Variants in MYLK observed in about 807,000 individuals in gnomAD.
MYLK encodes myosin light chain kinase, also known as myosin light chain kinase, smooth muscle.
Under a neutral mutation model 203.4 loss-of-function variants are expected in MYLK, and 106 were observed. The ratio of observed to expected loss-of-function variants is 0.52; its 90% CI spans 0.45 to 0.61. The LOEUF (loss-of-function observed/expected upper bound fraction) is 0.61, where lower values mean the gene tolerates loss of function less well. MYLK is among the 20% of genes least tolerant of loss of function. MYLK has a pLI of 0.00. For missense variants in MYLK, 2,072 were observed against 2,442.3 expected (o/e 0.85, Z 3.20); for synonymous variants, 867 against 959.5 (o/e 0.90, Z 1.78).
intron 2 of MYLK, among the ~76,000 whole-genome samples, chr3:123,850,477 C>T (rs2030638746): frequency 6.6e-6 from 1 of 152,196 alleles, no homozygotes; most frequent in African/African-American, 2.4e-5. Flanking sequence ...TTTTGATTTG[C>T]ATTTCTCTGA....
intron 18 of MYLK, chr3:123,698,976 A>G (rs1329302946): frequency 6.6e-6 from 1 of 152,390 alleles, no homozygotes; most frequent in Admixed American, 6.5e-5. Context: ...CTCAGATTTG[A>G]CAGGACCTGT....
At chr3:123,789,111 C>T (rs1003862790) in intron 4 of MYLK, among the ~76,000 whole-genome samples, 1 of 152,148 alleles carries the variant, frequency 6.6e-6, no homozygotes, top group African/African-American at 2.4e-5. Context: ...GGTGTTTCCA[C>T]CAGCCCCTGG....
intron 2 of MYLK, among the ~76,000 whole-genome samples, chr3:123,855,392 G>A (rs2031267689): frequency 6.6e-6 from 1 of 151,880 alleles, no homozygotes; most frequent in Non-Finnish European, 1.5e-5. Flanking sequence ...CCCATCTATT[G>A]CATCTTATTT....
chr3:123,704,625 C>T (rs745882207), intron 16 of MYLK, among the ~76,000 whole-genome samples: 4 of 151,772 alleles, frequency 2.6e-5, no homozygotes, highest in Non-Finnish European at 4.4e-5. Flanking sequence ...TAATTTCGGC[C>T]GGGCATGGTG....
chr3:123,799,644 T>C (rs915126734), intron 3 of MYLK, among the ~76,000 whole-genome samples: 3 of 152,130 alleles, frequency 2.0e-5, no homozygotes, highest in African/African-American at 7.2e-5. Context: ...ACCACCCACG[T>C]GCAAATGCCC....
In MYLK at chr3:123,828,780, T is replaced by C. The variant is rs117345385; in HGVS notation, c.-4+2768A>G. On this transcript the variant is annotated intron_variant, in intron 3 of 33. Transcript: ENST00000360304. ...GCAGAAAAACAATCTGATTAGAAAA[T>C]GGGCAAATGATATGAACAGACATTT... Among the ~76,000 whole-genome samples, 92 of 152,102 alleles carry C rather than the reference T, an allele frequency of 6.0e-4. 2 individuals are homozygous for C. In the South Asian group the frequency reaches 0.011, roughly 18 times the overall value.
intron 5 of MYLK, among the ~76,000 whole-genome samples, chr3:123,745,616 C>T (rs370029127): frequency 1.3e-5 from 2 of 152,050 alleles, no homozygotes; most frequent in African/African-American, 2.4e-5. Flanking sequence ...ATACTAGGAA[C>T]GGAATCCCTT....
At chr3:123,663,364 T>C (rs1465239940) in intron 23 of MYLK, among the ~76,000 whole-genome samples, 1 of 151,826 alleles carries the variant, frequency 6.6e-6, no homozygotes, top group Non-Finnish European at 1.5e-5. Flanking sequence ...GAGGTCATGG[T>C]GACCTCAGAA....
rs116066078 is a variant in MYLK, at chr3:123,651,852, A to C, written c.4289-2658T>G. Among the ~76,000 whole-genome samples, 811 of 152,304 alleles carry C rather than the reference A, an allele frequency of 5.3e-3. 11 individuals carry two copies. The highest frequency in any genetic ancestry group is 0.018 in the African/African-American group (728 of 41,572). On this transcript the variant is annotated intron_variant, in intron 24 of 33. Coordinates refer to ENST00000360304, the MANE Select transcript of MYLK (RefSeq NM_053025.4). ...GAGGTCTGTGGCAGATCTGATTCTCATGCTAATGCTCTGGGGGAAGGACCT... is the reference window on the plus strand; with the variant it reads ...GAGGTCTGTGGCAGATCTGATTCTCCTGCTAATGCTCTGGGGGAAGGACCT...
chr3:123,686,511 C>T (rs1281914244), intron 19 of MYLK, among the ~76,000 whole-genome samples: 1 of 152,096 alleles, frequency 6.6e-6, no homozygotes, highest in African/African-American at 2.4e-5. Context: ...GGCTGGGCTC[C>T]AGCCTCTCCC....
chr3:123,688,872 C>T (rs2060560776), intron 19 of MYLK, among the ~76,000 whole-genome samples: 2 of 152,208 alleles, frequency 1.3e-5, no homozygotes, highest in African/African-American at 4.8e-5. Context: ...ATTCTCTCCC[C>T]CATTACCCTG....
intron 29 of MYLK, among the ~76,000 whole-genome samples, chr3:123,634,815 G>T (rs1190224023): frequency 6.6e-6 from 1 of 152,208 alleles, no homozygotes; most frequent in African/African-American, 2.4e-5. Context: ...TTAAACGGAG[G>T]TGGACTTAGG....
chr3:123,676,846 C>T (rs1369958519), intron 20 of MYLK, among the ~76,000 whole-genome samples: 2 of 152,234 alleles, frequency 1.3e-5, no homozygotes, highest in Admixed American at 6.5e-5. Context: ...AAAAGCCCCA[C>T]ATGGATGTCC....
chr3:123,754,022 C>T (rs2108888837), intron 4 of MYLK, among the ~76,000 whole-genome samples: 1 of 152,352 alleles, frequency 6.6e-6, no homozygotes, highest in South Asian at 2.1e-4. Context: ...TATATTGGCG[C>T]ATGTGCACAC....
At chr3:123,844,217 GC>G (rs1380737658) in intron 2 of MYLK, among the ~76,000 whole-genome samples, 1 of 152,150 alleles carries the variant, frequency 6.6e-6, no homozygotes, top group Non-Finnish European at 1.5e-5. Flanking sequence ...GTGGACATGG[GC>G]CCCCAAGCTA....
chr3:123,724,318 A>C (rs1227508014), intron 12 of MYLK, among the ~76,000 whole-genome samples: 2 of 151,982 alleles, frequency 1.3e-5, no homozygotes, highest in Admixed American at 1.3e-4. Context: ...AGCAGAGTTG[A>C]GAGTTGTTAA....
chr3:123,704,277 T>C (rs1381164121), intron 16 of MYLK, among the ~76,000 whole-genome samples: 1 of 152,206 alleles, frequency 6.6e-6, no homozygotes, highest in Non-Finnish European at 1.5e-5. Flanking sequence ...ATGGGTTCAT[T>C]TGCAGCCTAT....
intron 4 of MYLK, among the ~76,000 whole-genome samples, chr3:123,787,120 G>T (rs1343612587): frequency 2.0e-5 from 3 of 152,198 alleles, no homozygotes; most frequent in Non-Finnish European, 4.4e-5. Context: ...AGTCAAGAAT[G>T]ATCTTATATG....
intron 2 of MYLK, among the ~76,000 whole-genome samples, chr3:123,871,544 T>C (rs993097816): frequency 1.3e-5 from 2 of 152,176 alleles, no homozygotes; most frequent in Non-Finnish European, 2.9e-5. Flanking sequence ...ATTATGAACA[T>C]TTATAAATAT....
Sources: gnomAD v4.1 joint callset for allele counts (sites outside exome capture counted in the v4.1 genomes callset) on GRCh38, gnomAD v4.1.1 for gene constraint, MANE v1.5 for transcripts, NCBI Gene and HGNC (gene_info 2026-07-23, HGNC 2026-07-21) for gene names.